The following ARB2A variants were observed in gnomAD, a reference collection of about 807,000 sequenced individuals.
ARB2A encodes ARB2 cotranscriptional regulator A.
the ARB2A span, among the ~76,000 whole-genome samples, chr5:93,899,086 T>C: frequency 6.6e-6 from 1 of 152,138 alleles, no homozygotes; most frequent in Non-Finnish European, 1.5e-5. Flanking sequence ...ATTATAATGA[T>C]TTGCTGCTGC....
chr5:93,791,870 T>C, the ARB2A span, among the ~76,000 whole-genome samples: 1 of 151,842 alleles, frequency 6.6e-6, no homozygotes. Flanking sequence ...GCCTAGACCA[T>C]GCTGCCACGT....
chr5:93,991,145 A>G, the ARB2A span, among the ~76,000 whole-genome samples: 2 of 152,088 alleles, frequency 1.3e-5, no homozygotes, highest in African/African-American at 2.4e-5. Context: ...CAATTCCCAG[A>G]GCTCATATAG....
the ARB2A span, among the ~76,000 whole-genome samples, chr5:93,781,447 T>C: frequency 6.6e-6 from 1 of 152,218 alleles, no homozygotes. Context: ...TGATGGATGC[T>C]TAGGTTGATT....
the ARB2A span, among the ~76,000 whole-genome samples, chr5:93,992,507 A>C: frequency 1.3e-5 from 2 of 152,174 alleles, no homozygotes; most frequent in African/African-American, 4.8e-5. Context: ...CAAATATACT[A>C]TATATTCAAT....
chr5:94,040,973 T>G, the ARB2A span, among the ~76,000 whole-genome samples: 1 of 152,136 alleles, frequency 6.6e-6, no homozygotes, highest in Admixed American at 6.5e-5. Flanking sequence ...CCCCCAGGGC[T>G]GTGGTGCAGC....
chr5:93,781,068 G>A, the ARB2A span, among the ~76,000 whole-genome samples: 1 of 151,946 alleles, frequency 6.6e-6, no homozygotes, highest in African/African-American at 2.4e-5. Flanking sequence ...TTATTACATG[G>A]ATATACTGCA....
the ARB2A span, among the ~76,000 whole-genome samples, chr5:93,622,139 G>A: frequency 6.6e-6 from 1 of 152,186 alleles, no homozygotes; most frequent in Non-Finnish European, 1.5e-5. Context: ...GATGGCTTAT[G>A]TAGCATTTTA....
chr5:93,852,921 C>T, the ARB2A span, among the ~76,000 whole-genome samples: 10 of 150,618 alleles, frequency 6.6e-5, no homozygotes, highest in East Asian at 7.7e-4. Context: ...TGGCTTAGGA[C>T]TGACTTGGCG....
chr5:93,815,046 T>G, the ARB2A span, among the ~76,000 whole-genome samples: 1 of 152,138 alleles, frequency 6.6e-6, no homozygotes, highest in Non-Finnish European at 1.5e-5. Context: ...TCTTCCTATG[T>G]TGCCCTGGGT....
At chr5:93,867,618 A>G in the ARB2A span, among the ~76,000 whole-genome samples, 1 of 151,970 alleles carries the variant, frequency 6.6e-6, no homozygotes, top group African/African-American at 2.4e-5. Context: ...GGGTTTCACC[A>G]TGTTGGTCAG....
the ARB2A span, among the ~76,000 whole-genome samples, chr5:93,701,888 T>C: frequency 6.6e-6 from 1 of 152,306 alleles, no homozygotes; most frequent in African/African-American, 2.4e-5. Context: ...ACTTATCCAA[T>C]TCCTTATTTG....
At chr5:93,629,185 G>A in the ARB2A span, among the ~76,000 whole-genome samples, 2 of 152,078 alleles carry the variant, frequency 1.3e-5, no homozygotes, top group African/African-American at 4.8e-5. Context: ...AAGAGACGGC[G>A]GAATGGCCAA....
At chr5:93,668,445 A>T in the ARB2A span, among the ~76,000 whole-genome samples, 2 of 152,222 alleles carry the variant, frequency 1.3e-5, no homozygotes, top group South Asian at 4.1e-4. Context: ...AATGACTATG[A>T]TCTATAAAAG....
chr5:94,071,422 G>A, the ARB2A span, among the ~76,000 whole-genome samples: 19 of 152,060 alleles, frequency 1.2e-4, no homozygotes, highest in Non-Finnish European at 2.7e-4. Flanking sequence ...AAAAATGTTT[G>A]CCCTACGAAA....
At chr5:93,630,944 G>A in the ARB2A span, among the ~76,000 whole-genome samples, 1 of 152,042 alleles carries the variant, frequency 6.6e-6, no homozygotes, top group Non-Finnish European at 1.5e-5. Flanking sequence ...CCAGGCTGGA[G>A]TGCAATGGTG....
chr5:94,010,596 A>G, the ARB2A span, among the ~76,000 whole-genome samples: 1 of 152,074 alleles, frequency 6.6e-6, no homozygotes. Context: ...TTATAGTGTT[A>G]TCTTGAAGGG....
chr5:94,038,440 A>G, the ARB2A span, among the ~76,000 whole-genome samples: 1 of 152,112 alleles, frequency 6.6e-6, no homozygotes, highest in Non-Finnish European at 1.5e-5. Flanking sequence ...AAATTATCCA[A>G]ACTTATTAAG....
chr5:93,745,381 C>T, the ARB2A span, among the ~76,000 whole-genome samples: 4 of 152,134 alleles, frequency 2.6e-5, no homozygotes, highest in Non-Finnish European at 4.4e-5. Flanking sequence ...CACCTAAATT[C>T]GTATTATAGA....
At chr5:93,963,840 T>A in the ARB2A span, among the ~76,000 whole-genome samples, 3 of 152,134 alleles carry the variant, frequency 2.0e-5, no homozygotes, top group African/African-American at 7.2e-5. Flanking sequence ...GTGGTTTACA[T>A]TTAAAATAAC....
Sources: gnomAD v4.1 joint callset for allele counts (sites outside exome capture counted in the v4.1 genomes callset) on GRCh38, gnomAD v4.1.1 for gene constraint, MANE v1.5 for transcripts, NCBI Gene and HGNC (gene_info 2026-07-23, HGNC 2026-07-21) for gene names.